Variants in DPP6 observed in about 807,000 individuals in gnomAD.
The protein encoded by DPP6 is dipeptidyl peptidase like 6.
Under a neutral mutation model 122.6 loss-of-function variants are expected in DPP6, and 69 were observed. The observed-to-expected ratio is 0.56, with a 90% CI of 0.46 to 0.69. The LOEUF is 0.69. DPP6 is among the 30% of genes least tolerant of loss of function. DPP6 has a pLI of 0.00. For synonymous variants in DPP6, 418 were observed against 433.1 expected (o/e 0.97, Z 0.43); for missense variants, 928 against 1,116.9 (o/e 0.83, Z 2.41).
the DPP6 span, among the ~76,000 whole-genome samples, chr7:153,793,530 G>A: frequency 9.3e-5 from 14 of 150,862 alleles, no homozygotes; most frequent in African/African-American, 3.4e-4. Flanking sequence ...GGGAAGCAGA[G>A]CATAAAAGTT....
intron 3 of DPP6, among the ~76,000 whole-genome samples, chr7:154,514,488 C>T (rs540775843): frequency 6.6e-6 from 1 of 152,194 alleles, no homozygotes; most frequent in Admixed American, 6.5e-5. Context: ...CTCCTCCATC[C>T]ATCTCCAGAT....
At chr7:154,031,006 C>G (rs1164796568) in intron 1 of DPP6, among the ~76,000 whole-genome samples, 1 of 152,120 alleles carries the variant, frequency 6.6e-6, no homozygotes, top group Admixed American at 6.5e-5. Flanking sequence ...ACGTTGGTTA[C>G]TAGCTCAGCC....
At chr7:154,828,005 G>C (rs150289920) in intron 16 of DPP6, among the ~76,000 whole-genome samples, 140 of 152,274 alleles carry the variant, frequency 9.2e-4, no homozygotes, top group African/African-American at 3.1e-3. Context: ...ACTGGAACTG[G>C]GGGGAGTGGA....
chr7:154,178,453 T>G (rs1585561853), intron 1 of DPP6, among the ~76,000 whole-genome samples: 1 of 150,046 alleles, frequency 6.7e-6, no homozygotes, highest in Non-Finnish European at 1.5e-5. Flanking sequence ...GGGTTTTCTC[T>G]ACCCATCCCC....
chr7:154,862,955 G>A (rs77121035), intron 17 of DPP6, among the ~76,000 whole-genome samples: 4,074 of 152,286 alleles, frequency 0.027, 217 homozygotes, highest in Admixed American at 0.14. Context: ...GTAATCCCAC[G>A]AAGGTGGGAG....
intron 17 of DPP6, among the ~76,000 whole-genome samples, chr7:154,858,071 C>T (rs1199624349): frequency 3.9e-5 from 6 of 152,074 alleles, no homozygotes; most frequent in Admixed American, 6.5e-5. Context: ...CTCAGACAAC[C>T]GTGTTCTGAT....
chr7:154,781,156 G>A (rs1021241097), intron 10 of DPP6, among the ~76,000 whole-genome samples: 2 of 151,998 alleles, frequency 1.3e-5, no homozygotes, highest in African/African-American at 4.8e-5. Flanking sequence ...ATGGATATAT[G>A]GATGGGTGAG....
chr7:154,170,593 C>G (rs1797486701), intron 1 of DPP6, among the ~76,000 whole-genome samples: 1 of 152,180 alleles, frequency 6.6e-6, no homozygotes, highest in African/African-American at 2.4e-5. Context: ...TTATTATCCT[C>G]CGAATCTGCC....
intron 6 of DPP6, among the ~76,000 whole-genome samples, chr7:154,667,078 C>A (rs1838213502): frequency 6.6e-6 from 1 of 152,058 alleles, no homozygotes; most frequent in African/African-American, 2.4e-5. Context: ...TCCTTAATTT[C>A]ATATGTATTT....
chr7:154,255,381 C>A (rs1196182456), intron 1 of DPP6, among the ~76,000 whole-genome samples: 1 of 152,170 alleles, frequency 6.6e-6, no homozygotes, highest in Non-Finnish European at 1.5e-5. Context: ...AGGCAGCAGG[C>A]TTAGATGAAT....
At chr7:154,351,696 G>A (rs963933718) in intron 1 of DPP6, among the ~76,000 whole-genome samples, 2 of 152,182 alleles carry the variant, frequency 1.3e-5, no homozygotes, top group Admixed American at 1.3e-4. Context: ...ATTTTAAGGA[G>A]GGGAAAGTTA....
intron 1 of DPP6, among the ~76,000 whole-genome samples, chr7:154,316,995 C>A (rs536922682): frequency 6.6e-6 from 1 of 152,214 alleles, no homozygotes; most frequent in East Asian, 1.9e-4. Flanking sequence ...GTGACTGTTA[C>A]CAGTATGGTA....
chr7:154,018,130 T>C (rs1326135452), intron 1 of DPP6, among the ~76,000 whole-genome samples: 2 of 151,950 alleles, frequency 1.3e-5, no homozygotes, highest in East Asian at 3.9e-4. Context: ...CCCACTCCTA[T>C]ATCCATCAAG....
the DPP6 span, among the ~76,000 whole-genome samples, chr7:153,782,009 C>CAT: frequency 7.8e-6 from 1 of 127,834 alleles, no homozygotes; most frequent in Non-Finnish European, 1.7e-5. Flanking sequence ...CACACACACA[C>CAT]GCCTGACATT....
At chr7:153,804,135 C>T in the DPP6 span, among the ~76,000 whole-genome samples, 3 of 151,708 alleles carry the variant, frequency 2.0e-5, no homozygotes, top group African/African-American at 4.8e-5. Flanking sequence ...CTGCAACCTC[C>T]GCCTCCCTAT....
chr7:154,315,693 G>A (rs1025853952), intron 1 of DPP6, among the ~76,000 whole-genome samples: 3 of 152,120 alleles, frequency 2.0e-5, no homozygotes, highest in African/African-American at 7.2e-5. Flanking sequence ...AGGGAGCAAT[G>A]GGTAGGAGAT....
the DPP6 span, among the ~76,000 whole-genome samples, chr7:153,754,837 T>G: frequency 6.6e-6 from 1 of 152,146 alleles, no homozygotes; most frequent in Non-Finnish European, 1.5e-5. Flanking sequence ...GATATTGCAT[T>G]TTCAAATTCT....
chr7:154,739,467 A>G (rs1055646770), intron 8 of DPP6, among the ~76,000 whole-genome samples: 2 of 152,184 alleles, frequency 1.3e-5, no homozygotes, highest in Admixed American at 1.3e-4. Flanking sequence ...GAATGGGAGT[A>G]TGGGAGAGGC....
intron 1 of DPP6, among the ~76,000 whole-genome samples, chr7:154,275,093 G>T (rs1211544229): frequency 1.3e-5 from 2 of 152,246 alleles, no homozygotes; most frequent in Admixed American, 6.5e-5. Flanking sequence ...CTTCCGGCAC[G>T]CTGCCAGAGC....
Sources: allele counts gnomAD v4.1 joint callset (sites outside exome capture counted in the v4.1 genomes callset), GRCh38; gene constraint gnomAD v4.1.1; transcripts MANE v1.5; gene names NCBI Gene and HGNC (gene_info 2026-07-23, HGNC 2026-07-21).